The following LMBR1 variants were observed in gnomAD, a reference collection of about 807,000 sequenced individuals.
The protein encoded by LMBR1 is limb development membrane protein 1, also known as limb region 1 protein homolog.
In LMBR1, 52 loss-of-function variants were observed where a neutral mutation model predicts 73.9. The observed-to-expected ratio is 0.70, with a 90% CI of 0.56 to 0.89. The LOEUF is 0.89. Among genes scored for constraint, LMBR1 ranks in the 40% least tolerant of loss-of-function variants. The pLI, the probability that LMBR1 is intolerant of heterozygous loss-of-function variation, is 0.00. For missense variants in LMBR1, 539 were observed against 579.8 expected (o/e 0.93, Z 0.72); for synonymous variants, 215 against 209.4 (o/e 1.03, Z -0.23).
At chr7:156,755,748 C>G (rs775002250) in intron 9 of LMBR1, among the ~76,000 whole-genome samples, 1 of 152,150 alleles carries the variant, frequency 6.6e-6, no homozygotes, top group Non-Finnish European at 1.5e-5. Flanking sequence ...TGACAAGAAT[C>G]CTCTAGAACA....
At chr7:156,852,500 T>C (rs569033384) in intron 1 of LMBR1, among the ~76,000 whole-genome samples, 1 of 152,364 alleles carries the variant, frequency 6.6e-6, no homozygotes, top group Admixed American at 6.5e-5. Context: ...TATAGGCTTC[T>C]ACACCCCTGA....
intron 5 of LMBR1, among the ~76,000 whole-genome samples, chr7:156,776,291 T>C (rs904595018): frequency 3.3e-5 from 5 of 152,030 alleles, no homozygotes; most frequent in Admixed American, 6.6e-5. Flanking sequence ...TGCCATCCTA[T>C]CACTCTCTTC....
At chr7:156,842,380 TATTTA>T (rs1339744726) in intron 1 of LMBR1, among the ~76,000 whole-genome samples, 1 of 140,576 alleles carries the variant, frequency 7.1e-6, no homozygotes, top group Admixed American at 7.2e-5. Flanking sequence ...CAAAGACAGT[TATTTA>T]ATTAAGATGT....
At chr7:156,805,388 G>A (rs1021532657) in intron 4 of LMBR1, among the ~76,000 whole-genome samples, 1 of 151,946 alleles carries the variant, frequency 6.6e-6, no homozygotes, top group Non-Finnish European at 1.5e-5. Context: ...GCTAATTTTT[G>A]TATTTTTAGT....
chr7:156,859,834 T>G (rs905617927), intron 1 of LMBR1, among the ~76,000 whole-genome samples: 1 of 152,098 alleles, frequency 6.6e-6, no homozygotes, highest in African/African-American at 2.4e-5. Flanking sequence ...AGACCTAGAA[T>G]AGGTGACACA....
At chr7:156,695,003 T>C (rs1032596870) in intron 15 of LMBR1, among the ~76,000 whole-genome samples, 1 of 152,224 alleles carries the variant, frequency 6.6e-6, no homozygotes, top group African/African-American at 2.4e-5. Context: ...GTTTTATAGA[T>C]TCAATACAAT....
chr7:156,804,163 A>G (rs113169673), intron 4 of LMBR1, among the ~76,000 whole-genome samples: 4,841 of 152,298 alleles, frequency 0.032, 124 homozygotes, highest in South Asian at 0.084. Context: ...ATAAAATAAA[A>G]AAAAGATGGA....
intron 15 of LMBR1, among the ~76,000 whole-genome samples, chr7:156,701,803 AGT>A (rs981494247): frequency 6.6e-6 from 1 of 152,036 alleles, no homozygotes; most frequent in Non-Finnish European, 1.5e-5. Context: ...ACCAAGGCCC[AGT>A]GTGTGTTGTT....
At chr7:156,824,313 A>T (rs1835299576) in intron 4 of LMBR1, among the ~76,000 whole-genome samples, 1 of 152,120 alleles carries the variant, frequency 6.6e-6, no homozygotes. Flanking sequence ...AGCTTACGGG[A>T]TTGCTAAGGT....
intron 1 of LMBR1, among the ~76,000 whole-genome samples, chr7:156,842,526 C>T (rs1299314707): frequency 6.6e-6 from 1 of 152,180 alleles, no homozygotes; most frequent in African/African-American, 2.4e-5. Context: ...AGAGATAAGG[C>T]TCACTAGCCT....
intron 15 of LMBR1, among the ~76,000 whole-genome samples, chr7:156,717,395 C>G (rs1402557689): frequency 6.6e-6 from 1 of 151,956 alleles, no homozygotes; most frequent in African/African-American, 2.4e-5. Context: ...TCTGTTTTAG[C>G]TTAGGGTGGG....
Position 156,789,543 on chromosome 7 carries a change from G to A in LMBR1, c.423+6846C>T, listed in dbSNP as rs568799251. ...ACAAATAAATGGACTGTAAATTAATGTACCAAGGTTCAGTTATATATTGAC... is the reference window on the plus strand; with the variant it reads ...ACAAATAAATGGACTGTAAATTAATATACCAAGGTTCAGTTATATATTGAC... On this transcript the variant is annotated intron_variant, in intron 5 of 16. Transcript: ENST00000353442. Among the ~76,000 whole-genome samples the A allele has an allele frequency of 2.0e-5, 3 of 152,182 alleles. No homozygotes were observed. Among genetic ancestry groups the A allele is most frequent in the South Asian group, 4.2e-4 (2 of 4,816 alleles).
intron 8 of LMBR1, among the ~76,000 whole-genome samples, chr7:156,757,877 A>T (rs1334113507): frequency 1.3e-5 from 2 of 152,216 alleles, no homozygotes; most frequent in Non-Finnish European, 2.9e-5. Flanking sequence ...CACTGAACTC[A>T]TCACTGGCAC....
downstream of LMBR1, chr7:156,676,577 C>A: frequency 6.2e-7 from 1 of 1,614,234 alleles, no homozygotes; most frequent in Non-Finnish European, 8.5e-7. Context: ...TAGAGGAGTT[C>A]TCCGTGGGAG....
chr7:156,752,776 G>T lies in LMBR1; in HGVS notation c.757+3617C>A, dbSNP rs563558738. ...ATATTGGTCACATATATAAAGGAAG[G>T]CCAGGCAAGAGGGTCAGTCAGCCAG... On this transcript the variant is annotated intron_variant, in intron 9 of 16. Transcript: ENST00000353442. Among the ~76,000 whole-genome samples the T allele has an allele frequency of 1.4e-4, 22 of 152,256 alleles. No individual in the cohort carries two copies. In the South Asian group the frequency reaches 2.7e-3, roughly 19 times the overall value.
intron 1 of LMBR1, among the ~76,000 whole-genome samples, chr7:156,889,578 T>C (rs1237460539): frequency 6.6e-6 from 1 of 151,824 alleles, no homozygotes; most frequent in East Asian, 1.9e-4. Context: ...GAAGATGGAG[T>C]AGACTCAACC....
chr7:156,791,844 A>G lies in LMBR1; in HGVS notation c.423+4545T>C, dbSNP rs376183960. Among the ~76,000 whole-genome samples the G allele has an allele frequency of 2.6e-4, 40 of 152,320 alleles. No individual in the cohort carries two copies. The highest frequency in any genetic ancestry group is 9.4e-4 in the African/African-American group (39 of 41,564). On this transcript the variant is annotated intron_variant, in intron 5 of 16. Transcript: ENST00000353442. The stretch of plus-strand genomic sequence containing the variant: ...TGTTGCTTATGTTACCTTTTATGCT[A>G]TGACTTCAAATCAAACATAGGCATT...
rs1804564633 is a variant in LMBR1 at position 156,679,087 on chromosome 7, A to C, written c.*4991T>G. On this transcript the variant is annotated 3_prime_UTR_variant, in exon 17 of 17. Transcript: ENST00000353442. ...TGCGGTTGTACTGGCCTGTATTTAC[A>C]TCCAGTTCATCTGCCCACTGTAAGC... 1 of 152,242 alleles carries C rather than the reference A, an allele frequency of 6.6e-6. No homozygotes were observed. 9.4% of individuals were successfully genotyped at this position (152,242 alleles called of 1,614,324 possible).
chr7:156,805,150 G>A (rs1831780343), intron 4 of LMBR1, among the ~76,000 whole-genome samples: 1 of 150,278 alleles, frequency 6.7e-6, no homozygotes, highest in African/African-American at 2.4e-5. Context: ...ATATATGTAT[G>A]TATCTAATCC....
Sources: gnomAD v4.1 joint callset for allele counts (sites outside exome capture counted in the v4.1 genomes callset) on GRCh38, gnomAD v4.1.1 for gene constraint, MANE v1.5 for transcripts, NCBI Gene and HGNC (gene_info 2026-07-23, HGNC 2026-07-21) for gene names.